TMEM63C: variants seen among roughly 807,000 people sequenced by gnomAD.
TMEM63C encodes osmosensitive cation channel TMEM63C.
TMEM63C carries 32 observed loss-of-function variants against 99.2 expected under a neutral mutation model. The ratio of observed to expected loss-of-function variants is 0.32; its 90% confidence interval spans 0.24 to 0.43. TMEM63C has a LOEUF of 0.43. TMEM63C is among the 20% of genes least tolerant of loss of function. The pLI is 1.00. For synonymous variants in TMEM63C, 376 were observed against 397.9 expected, an observed-to-expected ratio of 0.94 and a Z score of 0.66; for missense variants, 826 against 1,053.0, an observed-to-expected ratio of 0.78 and a Z score of 2.98.
In TMEM63C at chr14:77,194,711, C is replaced by A. The variant is rs562711823; in HGVS notation, c.-77+12817C>A. ...ACCTCAGCTTCCCGAGTAGCTGGGA[C>A]TACAGGCGGACACCACCACATCCAG... On this transcript the variant is annotated intron_variant, in intron 1 of 23. Coordinates refer to ENST00000298351, the MANE Select transcript of TMEM63C (RefSeq NM_020431.4). Among the ~76,000 whole-genome samples the A allele has an allele frequency of 1.3e-4, 20 of 149,806 alleles. No individual in the cohort carries two copies. The South Asian group carries it at 1.5e-3, about 11-fold the overall frequency.
chr14:77,216,931 C>T (rs887902476), intron 2 of TMEM63C, among the ~76,000 whole-genome samples: 28 of 152,036 alleles, frequency 1.8e-4, no homozygotes, highest in Admixed American at 3.9e-4. Flanking sequence ...TTTGGGAGTC[C>T]GAGGCAGGAG....
chr14:77,187,565 T>C (rs147191899), intron 1 of TMEM63C, among the ~76,000 whole-genome samples: 29 of 152,324 alleles, frequency 1.9e-4, no homozygotes, highest in African/African-American at 6.3e-4. Flanking sequence ...CAGCTTGTGC[T>C]GCACGGAGCA....
chr14:77,241,278 T>C (rs1469614307), intron 13 of TMEM63C, among the ~76,000 whole-genome samples: 2 of 152,126 alleles, frequency 1.3e-5, no homozygotes, highest in African/African-American at 4.8e-5. Flanking sequence ...CTCCTCACCA[T>C]AAGAGAGCGT....
chr14:77,186,801 C>CTGTGTGTGTGTGTG (rs1240827650), intron 1 of TMEM63C, among the ~76,000 whole-genome samples: 6 of 146,372 alleles, frequency 4.1e-5, no homozygotes, highest in Admixed American at 2.0e-4. Context: ...GTGTGTGTGT[C>CTGTGTGTGTGTGTG]TGTGTGTGTG....
Position 77,233,452 on chromosome 14 carries a change from ACTGGAGCAGT to A in TMEM63C, c.496_505del (p.Trp166ThrfsTer54). ...GGTCAGCAACTTCTTTCTCTTTCAG[ACTGGAGCAGT>A]CACTTTGCTCGGACCACCATTGTCA... On this transcript the variant is annotated frameshift_variant and splice_region_variant, in exon 8 of 24. Coordinates refer to ENST00000298351, the MANE Select transcript of TMEM63C (RefSeq NM_020431.4). LOFTEE classifies it high-confidence loss of function. The A allele has an allele frequency of 6.2e-7, 1 of 1,613,224 alleles. No individual in the cohort carries two copies. Among genetic ancestry groups the A allele is most frequent in the Non-Finnish European group, 8.5e-7 (1 of 1,179,698 alleles).
At chr14:77,249,969 G>A (rs967704586) in intron 21 of TMEM63C, among the ~76,000 whole-genome samples, 2 of 152,184 alleles carry the variant, frequency 1.3e-5, no homozygotes, top group African/African-American at 4.8e-5. Context: ...CCAGTAGCTG[G>A]GACTACAGGC....
chr14:77,252,393 G>T (rs1411429714), intron 22 of TMEM63C, among the ~76,000 whole-genome samples: 2 of 152,218 alleles, frequency 1.3e-5, no homozygotes, highest in South Asian at 4.1e-4. Context: ...TCCTTTGGTT[G>T]TTGGCAGTGG....
intron 18 of TMEM63C, 93 bp from the exon 19 acceptor site, chr14:77,248,254 T>A: frequency 8.8e-7 from 1 of 1,132,736 alleles, no homozygotes; most frequent in Non-Finnish European, 1.3e-6. Context: ...CGATTCCCAT[T>A]CCCTCTGCTG....
At chr14:77,223,854 G>A (rs1888770017) in intron 5 of TMEM63C, among the ~76,000 whole-genome samples, 1 of 152,102 alleles carries the variant, frequency 6.6e-6, no homozygotes, top group Non-Finnish European at 1.5e-5. Context: ...CTAATCATGA[G>A]GGACCATCAA....
chr14:77,214,794 C>T (rs1421817116), intron 2 of TMEM63C, among the ~76,000 whole-genome samples: 6 of 152,086 alleles, frequency 3.9e-5, no homozygotes, highest in Admixed American at 3.9e-4. Context: ...CGATCACCAC[C>T]GATAGCCGGA....
At chr14:77,200,491 A>G (rs1166631679) in intron 1 of TMEM63C, among the ~76,000 whole-genome samples, 1 of 152,214 alleles carries the variant, frequency 6.6e-6, no homozygotes, top group Non-Finnish European at 1.5e-5. Context: ...TGTGAGCCAG[A>G]CCCACAGCCT....
At position 77,253,811 on chromosome 14, in the gene TMEM63C, G is replaced by A. The variant is rs113158557; in HGVS notation, c.2220+435G>A. ...GCACTGATGGTAAGGCAGGGACGCC[G>A]AAATGAGCGAGCCTGTCTGCGTGCA... On this transcript the variant is annotated intron_variant, in intron 23 of 23. Coordinates refer to ENST00000298351, the MANE Select transcript of TMEM63C (RefSeq NM_020431.4). 1.1e-4 allele frequency among the ~76,000 whole-genome samples: 16 copies of A among 152,336 alleles called. 1 individual carries two copies. The highest frequency in any genetic ancestry group is 2.4e-4 in the African/African-American group (10 of 41,574).
chr14:77,184,271 G>A (rs529366972), intron 1 of TMEM63C, among the ~76,000 whole-genome samples: 2 of 151,996 alleles, frequency 1.3e-5, no homozygotes, highest in African/African-American at 2.4e-5. Flanking sequence ...TCCCCAGCCC[G>A]CTTCAAGTTG....
At chr14:77,219,430 C>G (rs1018121733) in intron 3 of TMEM63C, 68 bp from the exon 4 acceptor site, 6 of 1,534,608 alleles carry the variant, frequency 3.9e-6, no homozygotes, top group Non-Finnish European at 5.4e-6. Context: ...CAAGGGAATG[C>G]AGGGGGCCAG....
Position 77,240,659 on chromosome 14 carries a change from C to T in TMEM63C, c.1064+51C>T, listed in dbSNP as rs368658471. On this transcript the variant is annotated intron_variant, in intron 13 of 23. Coordinates refer to ENST00000298351, the MANE Select transcript of TMEM63C (RefSeq NM_020431.4). ...CAGCCCCAAGCATACTCCTGCTTCTCGGCACTCTCCTCCCTCTCCACCTCC... is the reference window on the plus strand; with the variant it reads ...CAGCCCCAAGCATACTCCTGCTTCTTGGCACTCTCCTCCCTCTCCACCTCC... 6.4e-5 allele frequency: 101 copies of T among 1,586,744 alleles called. 3 individuals are homozygous for T. Among genetic ancestry groups the T allele is most frequent in the Middle Eastern group, 3.3e-4 (2 of 6,026 alleles).
rs762035944 is a variant in TMEM63C at position 77,240,594 on chromosome 14, C to T, written c.1050C>T (p.Ser350=). 5 of 1,610,034 alleles carry T rather than the reference C, an allele frequency of 3.1e-6. No individual in the cohort carries two copies. The highest frequency in any genetic ancestry group is 4.2e-6 in the Non-Finnish European group (5 of 1,179,844). Residue 350 remains serine (S), a synonymous_variant, in exon 13 of 24, where the codon TCC becomes TCT. Transcript: ENST00000298351. Reference sequence around the variant, plus strand: ...TGATCTTTGTCACCTTCCAGGACTCCAGGATGGCCAAGCGGTGAGCACCAG... The same window carrying T: ...TGATCTTTGTCACCTTCCAGGACTCTAGGATGGCCAAGCGGTGAGCACCAG... ...LDLIFVTFQD[S]RMAKRVRKDY... is the part of the protein sequence containing the mutation.
At chr14:77,226,469 G>A (rs66846709) in intron 6 of TMEM63C, among the ~76,000 whole-genome samples, 16,578 of 152,254 alleles carry the variant, frequency 0.11, 1,023 homozygotes, top group Middle Eastern at 0.17. Context: ...GACTCCCTTC[G>A]TAGCATTCAG....
chr14:77,254,454 G>T (rs532827924), intron 23 of TMEM63C, among the ~76,000 whole-genome samples: 1 of 152,334 alleles, frequency 6.6e-6, no homozygotes, highest in South Asian at 2.1e-4. Context: ...ATAATGAAGA[G>T]ACCACAAGGA....
intron 1 of TMEM63C, among the ~76,000 whole-genome samples, chr14:77,206,546 A>G (rs553644277): frequency 3.3e-5 from 5 of 152,340 alleles, no homozygotes; most frequent in African/African-American, 1.2e-4. Context: ...AGGAGATGGC[A>G]TTGGATTCAG....
Sources: gnomAD v4.1 joint callset for allele counts (sites outside exome capture counted in the v4.1 genomes callset) on GRCh38, gnomAD v4.1.1 for gene constraint, MANE v1.5 for transcripts, NCBI Gene and HGNC (gene_info 2026-07-23, HGNC 2026-07-21) for gene names.